CNGB3: variants seen among roughly 807,000 people sequenced by gnomAD.
The protein encoded by CNGB3 is cyclic nucleotide gated channel subunit beta 3.
In CNGB3, 86 loss-of-function variants were observed where a neutral mutation model predicts 92.8. The observed-to-expected ratio is 0.93, with a 90% CI of 0.78 to 1.11. The LOEUF is 1.11. Ranked by LOEUF, CNGB3 falls within the 50% of genes least tolerant of loss-of-function variation. The pLI, the probability that CNGB3 is intolerant of heterozygous loss-of-function variation, is 0.00. For synonymous variants in CNGB3, 333 were observed against 332.7 expected (o/e 1.00, Z -0.01); for missense variants, 1,026 against 956.8 (o/e 1.07, Z -0.95).
At chr8:86,736,727 G>A (rs62525707) in intron 2 of CNGB3, among the ~76,000 whole-genome samples, 2,268 of 151,876 alleles carry the variant, frequency 0.015, 43 homozygotes, top group Non-Finnish European at 0.024. Flanking sequence ...TTTGAAGATG[G>A]AATAATGGTC....
intron 11 of CNGB3, among the ~76,000 whole-genome samples, chr8:86,631,642 T>A (rs1163173142): frequency 1.3e-5 from 2 of 152,204 alleles, no homozygotes; most frequent in African/African-American, 4.8e-5. Flanking sequence ...GCTTCCTATT[T>A]CATTGTTAAT....
intron 10 of CNGB3, among the ~76,000 whole-genome samples, chr8:86,636,320 C>T (rs1175062791): frequency 2.6e-5 from 4 of 151,798 alleles, no homozygotes; most frequent in African/African-American, 7.3e-5. Context: ...ACCTGTAATC[C>T]CAGTGCTTTG....
chr8:86,657,992 G>T, intron 6 of CNGB3: 3 of 546,458 alleles, frequency 5.5e-6, no homozygotes, highest in South Asian at 4.5e-5. Context: ...ATGCAGCGAC[G>T]TTCCAGTTTT....
At chr8:86,713,566 A>T (rs1207023945) in intron 3 of CNGB3, among the ~76,000 whole-genome samples, 1 of 152,180 alleles carries the variant, frequency 6.6e-6, no homozygotes, top group Non-Finnish European at 1.5e-5. Context: ...TCCATTCATA[A>T]ATGAAGATAA....
At chr8:86,645,008 A>G (rs1212195429) in intron 8 of CNGB3, among the ~76,000 whole-genome samples, 1 of 151,262 alleles carries the variant, frequency 6.6e-6, no homozygotes, top group Non-Finnish European at 1.5e-5. Flanking sequence ...CTGTTTCCCA[A>G]CAATTAAAGT....
chr8:86,578,430 G>C (rs1319431117), intron 17 of CNGB3, among the ~76,000 whole-genome samples: 19 of 152,130 alleles, frequency 1.2e-4, no homozygotes, highest in Admixed American at 6.5e-5. Context: ...AATAATCTAT[G>C]AATAATGAGG....
intron 15 of CNGB3, among the ~76,000 whole-genome samples, chr8:86,600,141 T>A (rs909796231): frequency 6.6e-6 from 1 of 152,194 alleles, no homozygotes; most frequent in African/African-American, 2.4e-5. Flanking sequence ...TTTTGCCCGA[T>A]AAACGTTCAG....
intron 3 of CNGB3, among the ~76,000 whole-genome samples, chr8:86,694,200 ACGGGGCGGCTGGCCGGG>A (rs1204476952): frequency 2.5e-5 from 3 of 119,974 alleles, no homozygotes; most frequent in Non-Finnish European, 5.1e-5. Context: ...TCCCTCCCGG[ACGGGGCGGCTGGCCGGG>A]CGGGGGGCTG....
intron 4 of CNGB3, 109 bp from the exon 5 acceptor site, chr8:86,668,277 G>A (rs1823784047): frequency 1.1e-6 from 1 of 915,826 alleles, no homozygotes; most frequent in Non-Finnish European, 1.6e-6. Flanking sequence ...ATAAGTGGGA[G>A]TTGAACAATG....
intron 15 of CNGB3, among the ~76,000 whole-genome samples, chr8:86,583,660 A>G (rs1316028563): frequency 1.3e-5 from 2 of 152,010 alleles, no homozygotes; most frequent in Non-Finnish European, 2.9e-5. Flanking sequence ...TGACTCACGC[A>G]TGTAATCTCA....
intron 3 of CNGB3, among the ~76,000 whole-genome samples, chr8:86,719,131 C>T (rs1482418771): frequency 6.6e-6 from 1 of 151,780 alleles, no homozygotes; most frequent in Non-Finnish European, 1.5e-5. Flanking sequence ...TGTCCACTTT[C>T]ACCACTTCTA....
intron 3 of CNGB3, among the ~76,000 whole-genome samples, chr8:86,673,837 G>T (rs1823912890): frequency 6.6e-6 from 1 of 152,168 alleles, no homozygotes; most frequent in African/African-American, 2.4e-5. Context: ...GTAGGACCTT[G>T]TGTGATAAAA....
chr8:86,640,926 G>A (rs1368498207), intron 10 of CNGB3, among the ~76,000 whole-genome samples: 1 of 151,958 alleles, frequency 6.6e-6, no homozygotes, highest in Non-Finnish European at 1.5e-5. Flanking sequence ...ATAAGGCTGC[G>A]ACCTACTGGG....
Position 86,599,773 on chromosome 8 carries a change from T to C in CNGB3, c.1781+4320A>G, listed in dbSNP as rs556109855. On this transcript the variant is annotated intron_variant, in intron 15 of 17. Transcript: ENST00000320005. Reference sequence around the variant, plus strand: ...TCTCAAACCCTGTCTCCTGATAAGATGTTATCAATGACCATGCGTGCCTGA... The same window carrying C: ...TCTCAAACCCTGTCTCCTGATAAGACGTTATCAATGACCATGCGTGCCTGA... Among the ~76,000 whole-genome samples the C allele has an allele frequency of 1.4e-4, 22 of 152,322 alleles. No individual in the cohort carries two copies. In the South Asian group the frequency reaches 2.3e-3, roughly 16 times the overall value.
At chr8:86,590,249 G>C (rs542337438) in intron 15 of CNGB3, among the ~76,000 whole-genome samples, 22 of 151,788 alleles carry the variant, frequency 1.4e-4, no homozygotes, top group Non-Finnish European at 2.6e-4. Flanking sequence ...ATGTGAGATG[G>C]GTTTCCTGAA....
At chr8:86,615,649 A>T (rs1563727718) in intron 13 of CNGB3, among the ~76,000 whole-genome samples, 3 of 152,072 alleles carry the variant, frequency 2.0e-5, no homozygotes, top group Non-Finnish European at 4.4e-5. Context: ...AGATTAAAAT[A>T]AACTATATAT....
intron 6 of CNGB3, among the ~76,000 whole-genome samples, chr8:86,654,379 G>A (rs2131603264): frequency 6.6e-6 from 1 of 152,160 alleles, no homozygotes; most frequent in East Asian, 1.9e-4. Context: ...ATTGCATCAA[G>A]GCTAACAGTG....
At chr8:86,714,761 G>T (rs184865998) in intron 3 of CNGB3, among the ~76,000 whole-genome samples, 2 of 152,148 alleles carry the variant, frequency 1.3e-5, no homozygotes, top group African/African-American at 4.8e-5. Context: ...CTCAGCCCTG[G>T]TCACTGGCTG....
rs139587776 is a variant in CNGB3, at chr8:86,630,803, G to A, written c.1321-1725C>T. Among the ~76,000 whole-genome samples, 1,435 of 152,270 alleles carry A rather than the reference G, an allele frequency of 9.4e-3. 21 individuals carry two copies. Among genetic ancestry groups the A allele is most frequent in the African/African-American group, 0.033 (1,374 of 41,560 alleles). On this transcript the variant is annotated intron_variant, in intron 11 of 17. Coordinates refer to ENST00000320005, the MANE Select transcript of CNGB3 (RefSeq NM_019098.5). ...GTGAGAGGATTGCTTGAACCCAGGA[G>A]TTTGAGGCTACAGTGAGCTATGATT...
Sources: allele counts gnomAD v4.1 joint callset (sites outside exome capture counted in the v4.1 genomes callset), GRCh38; gene constraint gnomAD v4.1.1; transcripts MANE v1.5; gene names NCBI Gene and HGNC (gene_info 2026-07-23, HGNC 2026-07-21).